The following EIF4EBP1 variants were observed in gnomAD, a reference collection of about 807,000 sequenced individuals.
The protein encoded by EIF4EBP1 is eukaryotic translation initiation factor 4E-binding protein 1.
A neutral mutation model predicts 9.2 loss-of-function variants in EIF4EBP1; 5 were observed. That is an observed-to-expected ratio of 0.54 (90% CI 0.28 to 1.14). The LOEUF is 1.14. EIF4EBP1 is among the 50% of genes most tolerant of loss of function. The probability of loss-of-function intolerance (pLI) is 0.09; values close to 1 mark genes in which losing one functional copy is unlikely to be tolerated. For missense variants in EIF4EBP1, 139 were observed against 169.6 expected (o/e 0.82, Z 1.00); for synonymous variants, 62 against 67.0 (o/e 0.93, Z 0.36).
intron 1 of EIF4EBP1, among the ~76,000 whole-genome samples, chr8:38,039,836 A>T (rs1809352618): frequency 6.6e-6 from 1 of 152,076 alleles, no homozygotes; most frequent in Non-Finnish European, 1.5e-5. Flanking sequence ...CCGAACAGGG[A>T]GTGGATGTGA....
intron 1 of EIF4EBP1, among the ~76,000 whole-genome samples, chr8:38,038,945 T>C (rs1357438459): frequency 1.4e-5 from 2 of 147,784 alleles, no homozygotes; most frequent in Non-Finnish European, 3.0e-5. Context: ...TCAGCTGGAG[T>C]GCAATGGCAC....
At chr8:38,030,811 C>A (rs1448349336) in intron 1 of EIF4EBP1, 93 bp downstream of exon 1, 29 of 1,354,820 alleles carry the variant, frequency 2.1e-5, no homozygotes, top group Non-Finnish European at 2.7e-5. Context: ...GGCTCAAGGG[C>A]GCCGTGATTG....
intron 1 of EIF4EBP1, among the ~76,000 whole-genome samples, chr8:38,040,832 C>G (rs1008685991): frequency 1.3e-4 from 20 of 152,176 alleles, no homozygotes; most frequent in African/African-American, 4.8e-4. Flanking sequence ...AGTCACAGGG[C>G]CAGCCCAGAT....
intron 1 of EIF4EBP1, 111 bp downstream of exon 1, chr8:38,030,829 C>G: frequency 7.5e-7 from 1 of 1,341,992 alleles, no homozygotes; most frequent in Non-Finnish European, 9.6e-7. Flanking sequence ...TTGGAAAGAA[C>G]GGAAAAGGGG....
At chr8:38,047,442 T>C (rs1809461695) in intron 1 of EIF4EBP1, 1 of 151,884 alleles carries the variant, frequency 6.6e-6, no homozygotes, top group Admixed American at 6.6e-5. Context: ...TATACTTGAA[T>C]ACAGTTCATG....
In EIF4EBP1 at chr8:38,030,611, G is replaced by C. The variant is rs1426842982; in HGVS notation, c.38G>C (p.Arg13Pro). The C allele has an allele frequency of 9.3e-6, 14 of 1,512,502 alleles. No homozygotes were observed. Among genetic ancestry groups the C allele is most frequent in the African/African-American group, 1.4e-5 (1 of 69,848 alleles). 93.7% of individuals were successfully genotyped at this position (1,512,502 alleles called of 1,614,324 possible). ...AGCAGCTGCAGCCAGACCCCAAGCC[G>C]GGCCATCCCCGCCACTCGCCGGGTG... ...GGSSCSQTPS[R>P]AIPATRRVVL... The change falls in exon 1 of 3, where the codon CGG becomes CCG. Residue 13 changes from arginine (R) to proline (P), a missense_variant. Transcript: ENST00000338825.
intron 1 of EIF4EBP1, among the ~76,000 whole-genome samples, chr8:38,044,719 C>A (rs988327854): frequency 6.6e-6 from 1 of 152,192 alleles, no homozygotes. Context: ...TGATTGCAGG[C>A]ATGATCCAGC....
At chr8:38,045,432 A>G (rs906448110) in intron 1 of EIF4EBP1, among the ~76,000 whole-genome samples, 1 of 151,918 alleles carries the variant, frequency 6.6e-6, no homozygotes, top group Admixed American at 6.6e-5. Context: ...GAATGTCTCT[A>G]TGGCTTTATT....
intron 1 of EIF4EBP1, among the ~76,000 whole-genome samples, chr8:38,050,283 G>A (rs549879285): frequency 6.8e-4 from 103 of 152,094 alleles, no homozygotes; most frequent in Non-Finnish European, 4.9e-4. Flanking sequence ...CTTAGATCTC[G>A]CCTTAAATGC....
At chr8:38,045,797 TG>T (rs1205627345) in intron 1 of EIF4EBP1, among the ~76,000 whole-genome samples, 2 of 152,196 alleles carry the variant, frequency 1.3e-5, no homozygotes, top group Admixed American at 1.3e-4. Flanking sequence ...TACCGTGCAG[TG>T]GTAAAATTGT....
intron 2 of EIF4EBP1, among the ~76,000 whole-genome samples, chr8:38,058,672 A>T (rs1809629075): frequency 6.6e-6 from 1 of 152,216 alleles, no homozygotes; most frequent in East Asian, 1.9e-4. Context: ...TTTCATCTGA[A>T]TCAGACAAGA....
chr8:38,049,541 G>A (rs527316716), intron 1 of EIF4EBP1, among the ~76,000 whole-genome samples: 1 of 150,040 alleles, frequency 6.7e-6, no homozygotes, highest in Admixed American at 6.7e-5. Context: ...GAGTGCAGTA[G>A]CGTGATCTCA....
Position 38,030,592 on chromosome 8 carries a change from T to G in EIF4EBP1, c.19T>G (p.Cys7Gly), listed in dbSNP as rs1205389221. The stretch of plus-strand genomic sequence containing the variant: ...GGAGACCATGTCCGGGGGCAGCAGC[T>G]GCAGCCAGACCCCAAGCCGGGCCAT... Reference protein sequence around the residue: MSGGSSCSQTPSRAIPA... With the variant: MSGGSSGSQTPSRAIPA... The change falls in exon 1 of 3, where the codon TGC (cysteine) becomes GGC (glycine). Residue 7 changes from cysteine (C) to glycine (G), a missense_variant. Coordinates refer to ENST00000338825, the MANE Select transcript of EIF4EBP1 (RefSeq NM_004095.4). The G allele has an allele frequency of 6.6e-7, 1 of 1,515,182 alleles. No individual in the cohort carries two copies. The highest frequency in any genetic ancestry group is 8.8e-7 in the Non-Finnish European group (1 of 1,138,438). 93.9% of individuals were successfully genotyped at this position (1,515,182 alleles called of 1,614,324 possible).
At chr8:38,037,759 G>T (rs963437261) in intron 1 of EIF4EBP1, among the ~76,000 whole-genome samples, 1 of 151,944 alleles carries the variant, frequency 6.6e-6, no homozygotes, top group African/African-American at 2.4e-5. Context: ...TCTCTGTTTT[G>T]ATGATGTTGT....
In EIF4EBP1 at chr8:38,053,319, G is replaced by GT. The variant is rs112979608; in HGVS notation, c.146-3755dup. On this transcript the variant is annotated intron_variant, in intron 1 of 2. Transcript: ENST00000338825. ...AAGCATGAGCCACTGTACCTGGCCTGTTTTTTTGTTTTGTTTTGTTTTGAG... is the reference window on the plus strand; with the variant it reads ...AAGCATGAGCCACTGTACCTGGCCTGTTTTTTTTGTTTTGTTTTGTTTTGAG... 3.3e-3 allele frequency among the ~76,000 whole-genome samples: 502 copies of GT among 151,968 alleles called. 5 individuals are homozygous for GT. Among genetic ancestry groups the GT allele is most frequent in the African/African-American group, 0.011 (463 of 41,484 alleles).
intron 1 of EIF4EBP1, among the ~76,000 whole-genome samples, chr8:38,043,936 T>G (rs1809417025): frequency 6.6e-6 from 1 of 151,938 alleles, no homozygotes; most frequent in Non-Finnish European, 1.5e-5. Context: ...ACACATGTGA[T>G]TCCTCCCTGG....
chr8:38,057,269 C>T lies in EIF4EBP1; in HGVS notation c.325+9C>T, dbSNP rs558560888. 127 of 1,472,426 alleles carry T rather than the reference C, an allele frequency of 8.6e-5. No individual in the cohort carries two copies. Among genetic ancestry groups the T allele is most frequent in the Middle Eastern group, 2.1e-4 (1 of 4,802 alleles). 91.2% of individuals were successfully genotyped at this position (1,472,426 alleles called of 1,614,324 possible). A position where few individuals can be genotyped will look rare whatever the true frequency, so the allele number is the denominator to read the frequency against. The stretch of plus-strand genomic sequence containing the variant: ...AGATAAGCGGGCGGGCGGTGAGTGT[C>T]GGGGCTTGGCCAGGCTCTACCTTGG... On this transcript the variant is annotated intron_variant, in intron 2 of 2. Transcript: ENST00000338825.
chr8:38,038,302 A>T (rs1053445319), intron 1 of EIF4EBP1, among the ~76,000 whole-genome samples: 1 of 151,362 alleles, frequency 6.6e-6, no homozygotes, highest in South Asian at 2.1e-4. Flanking sequence ...AGGTCAAGAG[A>T]TAGAGACCAT....
At chr8:38,059,755 C>CAAAA in intron 2 of EIF4EBP1, 149 bp from the exon 3 acceptor site, 3 of 603,030 alleles carry the variant, frequency 5.0e-6, no homozygotes, top group Non-Finnish European at 5.2e-6. Flanking sequence ...GACTCCATCT[C>CAAAA]AAAAAAAAAA....
Sources: allele counts gnomAD v4.1 joint callset (sites outside exome capture counted in the v4.1 genomes callset), GRCh38; gene constraint gnomAD v4.1.1; transcripts MANE v1.5; gene names NCBI Gene and HGNC (gene_info 2026-07-23, HGNC 2026-07-21).